The following CNTLN variants were observed in gnomAD, a reference collection of about 807,000 sequenced individuals.
The protein encoded by CNTLN is centlein, centrosomal protein.
Under a neutral mutation model 180.0 loss-of-function variants are expected in CNTLN, and 212 were observed. The observed-to-expected ratio is 1.18, with a 90% CI of 1.05 to 1.32. The LOEUF (loss-of-function observed/expected upper bound fraction) is 1.32. Ranked by LOEUF, CNTLN falls within the 40% of genes most tolerant of loss-of-function variation. CNTLN has a pLI of 0.00. For synonymous variants in CNTLN, 722 were observed against 563.1 expected (o/e 1.28, Z -3.99); for missense variants, 2,095 against 1,610.9 (o/e 1.30, Z -5.14).
intron 2 of CNTLN, among the ~76,000 whole-genome samples, chr9:17,219,499 T>A (rs946040265): frequency 3.9e-5 from 6 of 152,096 alleles, no homozygotes. Flanking sequence ...GAGTTTTGAT[T>A]ATCTTTCAAT....
At chr9:17,428,612 T>G (rs1377880052) in intron 18 of CNTLN, among the ~76,000 whole-genome samples, 1 of 152,132 alleles carries the variant, frequency 6.6e-6, no homozygotes, top group Non-Finnish European at 1.5e-5. Flanking sequence ...TTATTTGATC[T>G]TTATAAACTG....
intron 18 of CNTLN, among the ~76,000 whole-genome samples, chr9:17,453,262 A>G (rs1830898956): frequency 2.0e-5 from 3 of 152,128 alleles, no homozygotes; most frequent in Admixed American, 6.5e-5. Context: ...GTAATGGGCT[A>G]TGATTGAGCC....
intron 18 of CNTLN, among the ~76,000 whole-genome samples, chr9:17,429,337 A>C (rs1829276341): frequency 6.6e-6 from 1 of 152,000 alleles, no homozygotes; most frequent in Non-Finnish European, 1.5e-5. Context: ...TTGTTAATGG[A>C]AGCTATTGTA....
At chr9:17,259,676 A>T (rs11531707) in intron 5 of CNTLN, among the ~76,000 whole-genome samples, 35,031 of 150,200 alleles carry the variant, frequency 0.23, 5,260 homozygotes, top group African/African-American at 0.37. Context: ...CTATTCAGAG[A>T]CTCAGCTTCT....
intron 25 of CNTLN, among the ~76,000 whole-genome samples, chr9:17,502,003 G>A (rs754345854): frequency 6.6e-6 from 1 of 152,168 alleles, no homozygotes; most frequent in Non-Finnish European, 1.5e-5. Flanking sequence ...TCAGCAGTTT[G>A]CAACATGTGT....
chr9:17,368,945 G>A lies in CNTLN; in HGVS notation c.1987+2228G>A, dbSNP rs189199352. ...GGTACAAACAATCCCAGACTGCAAA[G>A]ACAAAAATAAATATCTAACTTTTGT... On this transcript the variant is annotated intron_variant, in intron 13 of 25. Transcript: ENST00000380647. Among the ~76,000 whole-genome samples, 796 of 152,250 alleles carry A rather than the reference G, an allele frequency of 5.2e-3. 5 individuals carry two copies. Among genetic ancestry groups the A allele is most frequent in the Admixed American group, 8.2e-3 (126 of 15,300 alleles).
intron 5 of CNTLN, among the ~76,000 whole-genome samples, chr9:17,260,829 T>G (rs1239620377): frequency 6.6e-6 from 1 of 151,394 alleles, no homozygotes; most frequent in East Asian, 1.9e-4. Flanking sequence ...TTTTCATATT[T>G]AAGTCTTTAA....
intron 2 of CNTLN, among the ~76,000 whole-genome samples, chr9:17,217,969 G>A (rs772041472): frequency 2.0e-4 from 31 of 152,048 alleles, no homozygotes; most frequent in Non-Finnish European, 3.4e-4. Flanking sequence ...AAGCAGATGT[G>A]TTCTTTTGAA....
At chr9:17,505,456 C>T (rs908612681), downstream of CNTLN, among the ~76,000 whole-genome samples, 9 of 152,024 alleles carry the variant, frequency 5.9e-5, no homozygotes, top group African/African-American at 1.9e-4. Context: ...GCAAAATCAA[C>T]ATGGAAAGAT....
intron 7 of CNTLN, among the ~76,000 whole-genome samples, chr9:17,304,765 C>G (rs146798124): frequency 9.9e-5 from 15 of 152,094 alleles, no homozygotes; most frequent in Admixed American, 3.9e-4. Context: ...CAACTATTTA[C>G]ATAGTGTTTA....
intron 5 of CNTLN, among the ~76,000 whole-genome samples, chr9:17,239,773 G>A (rs1456751079): frequency 6.6e-6 from 1 of 152,072 alleles, no homozygotes; most frequent in African/African-American, 2.4e-5. Context: ...AATATCAGTT[G>A]ACTGTAAATA....
chr9:17,476,494 C>T (rs1832355599), intron 23 of CNTLN, among the ~76,000 whole-genome samples: 1 of 152,164 alleles, frequency 6.6e-6, no homozygotes. Flanking sequence ...TTGCACCAAA[C>T]AGCCAAGTCA....
At chr9:17,156,350 C>G (rs939312380) in intron 2 of CNTLN, among the ~76,000 whole-genome samples, 7 of 152,054 alleles carry the variant, frequency 4.6e-5, no homozygotes, top group African/African-American at 1.7e-4. Context: ...TATAATTATT[C>G]TCTATTATAA....
chr9:17,466,206 A>T, intron 22 of CNTLN, 88 bp downstream of exon 22: 1 of 1,171,660 alleles, frequency 8.5e-7, no homozygotes, highest in Non-Finnish European at 1.2e-6. Context: ...TTCCTTCCCA[A>T]AACCACAAGC....
chr9:17,298,937 A>T (rs1024320258), intron 7 of CNTLN: 60 of 985,054 alleles, frequency 6.1e-5, no homozygotes, highest in Non-Finnish European at 7.1e-5. Flanking sequence ...AATTTAATCT[A>T]CTAATTAAAA....
At chr9:17,370,897 C>CAT (rs1037975743) in intron 13 of CNTLN, among the ~76,000 whole-genome samples, 1 of 151,898 alleles carries the variant, frequency 6.6e-6, no homozygotes, top group African/African-American at 2.4e-5. Context: ...AGTTATATCC[C>CAT]ATATATATAA....
intron 18 of CNTLN, among the ~76,000 whole-genome samples, chr9:17,445,322 G>A (rs576566869): frequency 4.3e-4 from 65 of 151,922 alleles, no homozygotes; most frequent in South Asian, 1.9e-3. Flanking sequence ...ACTTAGATAC[G>A]GTACAACCAA....
intron 13 of CNTLN, among the ~76,000 whole-genome samples, chr9:17,384,461 A>C (rs10810781): frequency 6.6e-6 from 1 of 151,944 alleles, no homozygotes; most frequent in Non-Finnish European, 1.5e-5. Context: ...CCTCCTGCCC[A>C]GGTAAACTCA....
At chr9:17,190,237 C>T (rs1034897175) in intron 2 of CNTLN, among the ~76,000 whole-genome samples, 1 of 150,742 alleles carries the variant, frequency 6.6e-6, no homozygotes, top group African/African-American at 2.4e-5. Context: ...TCCTGTTGTA[C>T]AGTGTCTGAT....
Sources: allele counts gnomAD v4.1 joint callset (sites outside exome capture counted in the v4.1 genomes callset), GRCh38; gene constraint gnomAD v4.1.1; transcripts MANE v1.5; gene names NCBI Gene and HGNC (gene_info 2026-07-23, HGNC 2026-07-21).